Variants in KLF13 observed in about 807,000 individuals in gnomAD.
The protein encoded by KLF13 is Krueppel-like factor 13.
Under a neutral mutation model 16.7 loss-of-function variants are expected in KLF13, and 8 were observed. That is an observed-to-expected ratio of 0.48 (90% confidence interval 0.28 to 0.87). KLF13 has a LOEUF of 0.87. Ranked by LOEUF, KLF13 falls within the 40% of genes least tolerant of loss-of-function variation. The pLI is 0.10. For synonymous variants in KLF13, 245 were observed against 208.4 expected (o/e 1.18, Z -1.51); for missense variants, 447 against 452.2 (o/e 0.99, Z 0.10).
intron 1 of KLF13, among the ~76,000 whole-genome samples, chr15:31,413,045 A>G (rs2040213062): frequency 6.6e-6 from 1 of 152,208 alleles, no homozygotes; most frequent in Non-Finnish European, 1.5e-5. Context: ...TCAATGCCCC[A>G]GGGCACTCTT....
At position 31,374,013 on chromosome 15, in the gene KLF13, G is replaced by A. The variant is rs922961984; in HGVS notation, c.*1714G>A. The stretch of plus-strand genomic sequence containing the variant: ...CAGAGGGCCACAGATGGGCTTCCTG[G>A]GCCTAGCGTGCCTTGGTTGTGGCCA... On this transcript the variant is annotated 3_prime_UTR_variant, in exon 2 of 2. Transcript: ENST00000307145. 1 of 152,672 alleles carries A rather than the reference G, an allele frequency of 6.5e-6. No individual in the cohort carries two copies. Among genetic ancestry groups the A allele is most frequent in the African/African-American group, 2.4e-5 (1 of 41,434 alleles). 9.5% of individuals were successfully genotyped at this position (152,672 alleles called of 1,614,324 possible).
At chr15:31,389,166 G>A (rs1209470142), upstream of KLF13, among the ~76,000 whole-genome samples, 2 of 151,876 alleles carry the variant, frequency 1.3e-5, no homozygotes, top group Non-Finnish European at 2.9e-5. Context: ...GAGAATGAAC[G>A]AACACCTTTA....
intron 1 of KLF13, among the ~76,000 whole-genome samples, chr15:31,349,367 C>G (rs1031012671): frequency 2.0e-5 from 3 of 152,240 alleles, no homozygotes; most frequent in Non-Finnish European, 4.4e-5. Context: ...TGGGATGGAC[C>G]AATGCCCGCT....
chr15:31,428,885 G>A (rs977936126), intron 1 of KLF13, among the ~76,000 whole-genome samples: 1 of 150,812 alleles, frequency 6.6e-6, no homozygotes, highest in African/African-American at 2.4e-5. Context: ...AAGATATAGT[G>A]GAAGAAAGTA....
chr15:31,331,797 G>A (rs182519555), intron 1 of KLF13, among the ~76,000 whole-genome samples: 18 of 152,288 alleles, frequency 1.2e-4, no homozygotes, highest in Admixed American at 8.5e-4. Context: ...CTGTTACCCC[G>A]CGTTGGTGTT....
intron 1 of KLF13, among the ~76,000 whole-genome samples, chr15:31,410,846 G>C (rs990891393): frequency 6.6e-6 from 1 of 151,882 alleles, no homozygotes; most frequent in Admixed American, 6.6e-5. Context: ...ATACTGACCA[G>C]TATCAGGAAT....
At chr15:31,383,717 G>T (rs545000336) in intron 1 of KLF13, among the ~76,000 whole-genome samples, 3 of 151,958 alleles carry the variant, frequency 2.0e-5, no homozygotes, top group Non-Finnish European at 4.4e-5. Flanking sequence ...TGGCTAACAC[G>T]GTGAAACCCC....
At chr15:31,352,184 C>G (rs1248168343) in intron 1 of KLF13, among the ~76,000 whole-genome samples, 2 of 152,216 alleles carry the variant, frequency 1.3e-5, no homozygotes, top group Admixed American at 6.5e-5. Context: ...TCAGACTGTT[C>G]CGAATAGGCC....
At chr15:31,383,156 A>G (rs991577223) in intron 1 of KLF13, among the ~76,000 whole-genome samples, 3 of 152,226 alleles carry the variant, frequency 2.0e-5, no homozygotes, top group Non-Finnish European at 4.4e-5. Flanking sequence ...TGGTTATTGC[A>G]TGCTTACCCT....
Position 31,327,653 on chromosome 15 carries a change from C to G in KLF13, c.441C>G (p.Leu147=). The stretch of plus-strand genomic sequence containing the variant: ...CCGCGGGGAGCGGCGAGCCCGGCCT[C>G]AGACAAAGGGTCCGGCGGGGCCGAA... ...PGPAGSGEPG[L]RQRVRRGRSR... is the part of the protein sequence containing the mutation. The change falls in exon 1 of 2, where the codon CTC becomes CTG. Residue 147 remains leucine, a synonymous_variant. Coordinates refer to ENST00000307145, the MANE Select transcript of KLF13 (RefSeq NM_015995.4). The G allele has an allele frequency of 3.4e-6, 5 of 1,472,544 alleles. No individual in the cohort carries two copies. Among genetic ancestry groups the G allele is most frequent in the Non-Finnish European group, 4.5e-6 (5 of 1,103,706 alleles). The allele number at this position is 1,472,544 out of a possible 1,614,324, so 91.2% of individuals were successfully genotyped here.
chr15:31,392,929 G>A (rs905319381), exon 1 of KLF13: 2 of 152,390 alleles, frequency 1.3e-5, no homozygotes, highest in East Asian at 3.9e-4. Context: ...GGTCCGCTAC[G>A]CCTGGAGAGC....
At chr15:31,404,929 G>A (rs893908972), downstream of KLF13, among the ~76,000 whole-genome samples, 1 of 152,118 alleles carries the variant, frequency 6.6e-6, no homozygotes, top group Non-Finnish European at 1.5e-5. Flanking sequence ...AGAGAACAGT[G>A]GGGGGAGCTC....
downstream of KLF13, among the ~76,000 whole-genome samples, chr15:31,407,846 C>T (rs1393238625): frequency 6.6e-6 from 1 of 152,116 alleles, no homozygotes; most frequent in African/African-American, 2.4e-5. Flanking sequence ...ATTTTGCACC[C>T]ATTTGTACTT....
At chr15:31,418,186 C>A (rs183346735) in intron 1 of KLF13, among the ~76,000 whole-genome samples, 1 of 152,126 alleles carries the variant, frequency 6.6e-6, no homozygotes. Flanking sequence ...TACTGTATAT[C>A]AAATCTTGTT....
intron 1 of KLF13, among the ~76,000 whole-genome samples, chr15:31,342,831 C>T (rs1404462435): frequency 2.6e-5 from 4 of 152,156 alleles, no homozygotes; most frequent in Non-Finnish European, 4.4e-5. Flanking sequence ...GGCCTTCGCA[C>T]CCCTTTCCTG....
intron 2 of KLF13, among the ~76,000 whole-genome samples, chr15:31,400,003 G>A (rs192071315): frequency 1.6e-3 from 241 of 152,294 alleles, no homozygotes; most frequent in African/African-American, 5.5e-3. Flanking sequence ...ACTAGGGAGG[G>A]TGACTCAAAC....
At chr15:31,344,869 A>G (rs2039086304) in intron 1 of KLF13, among the ~76,000 whole-genome samples, 1 of 152,050 alleles carries the variant, frequency 6.6e-6, no homozygotes, top group South Asian at 2.1e-4. Flanking sequence ...TCCCCCAAGG[A>G]AGCCGCCTGA....
intron 1 of KLF13, among the ~76,000 whole-genome samples, chr15:31,371,276 C>T (rs1048131583): frequency 6.6e-6 from 1 of 152,208 alleles, no homozygotes; most frequent in South Asian, 2.1e-4. Context: ...TTCATTACCT[C>T]CCACCCCACT....
At chr15:31,422,840 G>T (rs1467237676) in intron 1 of KLF13, among the ~76,000 whole-genome samples, 1 of 151,914 alleles carries the variant, frequency 6.6e-6, no homozygotes, top group African/African-American at 2.4e-5. Flanking sequence ...TTTGAGACCA[G>T]CCTGGCCAAC....
Sources: gnomAD v4.1 joint callset for allele counts (sites outside exome capture counted in the v4.1 genomes callset) on GRCh38, gnomAD v4.1.1 for gene constraint, MANE v1.5 for transcripts, NCBI Gene and HGNC (gene_info 2026-07-23, HGNC 2026-07-21) for gene names.